Variants in CCDC6 observed in about 807,000 individuals in gnomAD.
CCDC6 encodes the protein coiled-coil domain containing 6, also known as coiled-coil domain-containing protein 6.
Under a neutral mutation model 56.6 loss-of-function variants are expected in CCDC6, and 20 were observed. The observed-to-expected ratio is 0.35, with a 90% CI of 0.25 to 0.51. The LOEUF (loss-of-function observed/expected upper bound fraction) is 0.51, where lower values mean the gene tolerates loss of function less well. Among genes scored for constraint, CCDC6 ranks in the 20% least tolerant of loss-of-function variants. CCDC6 has a pLI of 0.95. For missense variants in CCDC6, 367 were observed against 601.1 expected (o/e 0.61, Z 4.07); for synonymous variants, 241 against 234.4 (o/e 1.03, Z -0.26).
intron 2 of CCDC6, among the ~76,000 whole-genome samples, chr10:59,850,865 T>C (rs1025123596): frequency 2.0e-5 from 3 of 152,156 alleles, no homozygotes; most frequent in African/African-American, 7.2e-5. Flanking sequence ...CTTCCTTTGC[T>C]GTTGCATTAT....
At chr10:59,848,433 C>G (rs2071012319) in intron 2 of CCDC6, among the ~76,000 whole-genome samples, 1 of 152,134 alleles carries the variant, frequency 6.6e-6, no homozygotes, top group Non-Finnish European at 1.5e-5. Context: ...AATCCCAGCA[C>G]TTTGGGATGC....
chr10:59,841,637 T>C (rs1398423512), intron 2 of CCDC6, among the ~76,000 whole-genome samples: 2 of 152,116 alleles, frequency 1.3e-5, no homozygotes, highest in East Asian at 1.9e-4. Context: ...TCAATATAGG[T>C]AAATGCAGCA....
rs1246305044 is a variant in CCDC6, at chr10:59,790,792, C to T, written c.*2125G>A. On this transcript the variant is annotated 3_prime_UTR_variant, in exon 9 of 9. Coordinates refer to ENST00000263102, the MANE Select transcript of CCDC6 (RefSeq NM_005436.5). ...AGGAAATGTTCGCTCACTCCAAGTG[C>T]TTTTTAAAAATTCAACATATGGCAA... 4 of 214,228 alleles carry T rather than the reference C, an allele frequency of 1.9e-5. No individual in the cohort carries two copies. The highest frequency in any genetic ancestry group is 4.5e-5 in the African/African-American group (2 of 44,194). The allele number at this position is 214,228 out of a possible 1,614,324, so 13.3% of individuals were successfully genotyped here. A position where few individuals can be genotyped will look rare whatever the true frequency, so the allele number is the denominator to read the frequency against.
chr10:59,882,427 C>CGCGGGGAGA (rs2071347709), intron 1 of CCDC6, among the ~76,000 whole-genome samples: 2 of 28,092 alleles, frequency 7.1e-5, no homozygotes, highest in Non-Finnish European at 1.4e-4. Flanking sequence ...AAAGGAAAGC[C>CGCGGGGAGA]AGGGGGAGAA....
chr10:59,810,827 G>A (rs2070666497), intron 5 of CCDC6, among the ~76,000 whole-genome samples: 1 of 152,024 alleles, frequency 6.6e-6, no homozygotes, highest in Non-Finnish European at 1.5e-5. Flanking sequence ...TTGACAGAAG[G>A]GCCTTTGCAG....
chr10:59,851,490 T>G (rs2071038778), intron 2 of CCDC6, among the ~76,000 whole-genome samples: 1 of 152,114 alleles, frequency 6.6e-6, no homozygotes, highest in African/African-American at 2.4e-5. Flanking sequence ...AGTAATTAGG[T>G]AGAAAAATGA....
chr10:59,842,334 A>C (rs930193850), intron 2 of CCDC6, among the ~76,000 whole-genome samples: 13 of 152,206 alleles, frequency 8.5e-5, no homozygotes, highest in African/African-American at 3.1e-4. Context: ...GGTGTGAGCC[A>C]CCGTGCCTGG....
intron 8 of CCDC6, among the ~76,000 whole-genome samples, chr10:59,793,744 G>A (rs1589031338): frequency 1.3e-5 from 2 of 148,416 alleles, no homozygotes; most frequent in Non-Finnish European, 3.0e-5. Flanking sequence ...ACATCATGCT[G>A]CTGAACTCCA....
At chr10:59,831,861 G>C (rs1470796238) in intron 3 of CCDC6, among the ~76,000 whole-genome samples, 1 of 152,214 alleles carries the variant, frequency 6.6e-6, no homozygotes, top group East Asian at 1.9e-4. Flanking sequence ...TGCCTGCTGA[G>C]GGCAGAGGAC....
At chr10:59,798,031 C>A (rs2070539402) in intron 7 of CCDC6, among the ~76,000 whole-genome samples, 1 of 152,198 alleles carries the variant, frequency 6.6e-6, no homozygotes, top group Non-Finnish European at 1.5e-5. Context: ...GTGCAGAAGT[C>A]ACCAGCCGGT....
chr10:59,812,932 G>T, intron 4 of CCDC6, 137 bp from the exon 5 acceptor site: 1 of 600,484 alleles, frequency 1.7e-6, no homozygotes, highest in Non-Finnish European at 2.9e-6. Context: ...TAATTCCTCT[G>T]CCCATTTTAC....
At chr10:59,830,301 C>T (rs960883933) in intron 3 of CCDC6, among the ~76,000 whole-genome samples, 16 of 152,114 alleles carry the variant, frequency 1.1e-4, no homozygotes, top group African/African-American at 3.6e-4. Context: ...TATACTACAT[C>T]GTATCATACA....
At chr10:59,889,679 C>T (rs1455350514) in intron 1 of CCDC6, among the ~76,000 whole-genome samples, 1 of 152,154 alleles carries the variant, frequency 6.6e-6, no homozygotes, top group Non-Finnish European at 1.5e-5. Flanking sequence ...TGAGATTCAG[C>T]CAATAAGAGG....
At position 59,792,357 on chromosome 10, in the gene CCDC6, A is replaced by G. The variant is rs1379159854; in HGVS notation, c.*560T>C. On this transcript the variant is annotated 3_prime_UTR_variant, in exon 9 of 9. Coordinates refer to ENST00000263102, the MANE Select transcript of CCDC6 (RefSeq NM_005436.5). ...AATGAAAATAACCTGTAAAAAATGT[A>G]TCTGTAGAAAGTTCTGTTAAACAGA... 2.6e-6 allele frequency: 1 copy of G among 389,548 alleles called. No homozygotes were observed. The highest frequency in any genetic ancestry group is 4.0e-5 in the Admixed American group (1 of 24,804). 24.1% of individuals were successfully genotyped at this position (389,548 alleles called of 1,614,324 possible). A position where few individuals can be genotyped will look rare whatever the true frequency, so the allele number is the denominator to read the frequency against.
At chr10:59,853,756 C>T (rs1026828675) in intron 1 of CCDC6, among the ~76,000 whole-genome samples, 7 of 151,784 alleles carry the variant, frequency 4.6e-5, no homozygotes, top group African/African-American at 9.7e-5. Flanking sequence ...ATGAAGTCAA[C>T]GAGAGAGATT....
intron 6 of CCDC6, chr10:59,805,384 G>A (rs2070612206): frequency 6.7e-6 from 1 of 149,854 alleles, no homozygotes; most frequent in Non-Finnish European, 1.5e-5. Flanking sequence ...TTCCTAGTAG[G>A]GAAAGTATTT....
intron 1 of CCDC6, among the ~76,000 whole-genome samples, chr10:59,885,723 T>G (rs1320738634): frequency 6.6e-6 from 1 of 152,184 alleles, no homozygotes; most frequent in Admixed American, 6.5e-5. Context: ...CCAATTCTCT[T>G]CATGGTTAAC....
chr10:59,829,198 T>C (rs1156906574), intron 3 of CCDC6, among the ~76,000 whole-genome samples: 1 of 152,208 alleles, frequency 6.6e-6, no homozygotes, highest in East Asian at 1.9e-4. Flanking sequence ...AGTTCTGCTT[T>C]ACAGAGAACA....
At chr10:59,798,720 C>T (rs1414676324) in intron 7 of CCDC6, among the ~76,000 whole-genome samples, 9 of 152,068 alleles carry the variant, frequency 5.9e-5, no homozygotes, top group African/African-American at 1.9e-4. Context: ...GTGGGCTGGA[C>T]GTGGTGGCTC....
Sources: allele counts gnomAD v4.1 joint callset (sites outside exome capture counted in the v4.1 genomes callset), GRCh38; gene constraint gnomAD v4.1.1; transcripts MANE v1.5; gene names NCBI Gene and HGNC (gene_info 2026-07-23, HGNC 2026-07-21).